The following UXS1 variants were observed in gnomAD, a reference collection of about 807,000 sequenced individuals.
The protein encoded by UXS1 is UDP-glucuronate decarboxylase 1, also known as UDP-glucuronic acid decarboxylase 1.
In UXS1, 33 loss-of-function variants were observed where a neutral mutation model predicts 62.6. The observed-to-expected ratio is 0.53, with a 90% confidence interval of 0.40 to 0.70. UXS1 has a LOEUF of 0.70. Ranked by LOEUF, UXS1 falls within the 30% of genes least tolerant of loss-of-function variation. UXS1 has a pLI of 0.00. For missense variants in UXS1, 434 were observed against 556.3 expected, an observed-to-expected ratio of 0.78 and a Z score of 2.21; for synonymous variants, 213 against 206.8, an observed-to-expected ratio of 1.03 and a Z score of -0.26.
In UXS1 at chr2:106,194,280, G is replaced by A. The variant is rs1319158298; in HGVS notation, c.-39C>T. The A allele has an allele frequency of 3.3e-6, 4 of 1,205,982 alleles. No individual in the cohort carries two copies. The highest frequency in any genetic ancestry group is 4.2e-6 in the Non-Finnish European group (4 of 952,166). 74.7% of individuals were successfully genotyped at this position (1,205,982 alleles called of 1,614,324 possible). ...GCGGGTCCAGGGCCCTACCGCGCGG[G>A]GGCCCGCCTGCTGCACAATGCGCGG... On this transcript the variant is annotated 5_prime_UTR_variant, in exon 1 of 15. Transcript: ENST00000283148.
intron 6 of UXS1, among the ~76,000 whole-genome samples, chr2:106,130,978 A>G (rs1366544589): frequency 2.0e-5 from 3 of 151,972 alleles, no homozygotes; most frequent in Non-Finnish European, 4.4e-5. Context: ...TGATTTCTGC[A>G]TTTCCATCTG....
At chr2:106,105,717 C>A (rs1463413396) in intron 10 of UXS1, among the ~76,000 whole-genome samples, 1 of 152,238 alleles carries the variant, frequency 6.6e-6, no homozygotes, top group Non-Finnish European at 1.5e-5. Context: ...TGCTGAATGA[C>A]CTGCGGAGCG....
chr2:106,137,290 A>G (rs763365930), intron 6 of UXS1, among the ~76,000 whole-genome samples: 40 of 152,250 alleles, frequency 2.6e-4, no homozygotes, highest in Non-Finnish European at 4.7e-4. Flanking sequence ...ACAAAGTCCC[A>G]TAATTCTAAG....
intron 9 of UXS1, among the ~76,000 whole-genome samples, chr2:106,119,046 A>G (rs1361965515): frequency 6.6e-6 from 1 of 152,200 alleles, no homozygotes; most frequent in East Asian, 1.9e-4. Flanking sequence ...CAAAGTTTTA[A>G]ATTTTCTCCC....
At chr2:106,155,050 CTT>C (rs1330657172) in intron 5 of UXS1, among the ~76,000 whole-genome samples, 1 of 152,078 alleles carries the variant, frequency 6.6e-6, no homozygotes, top group Non-Finnish European at 1.5e-5. Flanking sequence ...GTCCCATACT[CTT>C]TTTTAACAAT....
At chr2:106,154,401 C>A (rs912855184) in intron 5 of UXS1, among the ~76,000 whole-genome samples, 1 of 152,200 alleles carries the variant, frequency 6.6e-6, no homozygotes, top group African/African-American at 2.4e-5. Flanking sequence ...AGAGCCCCTA[C>A]AGACATATTT....
chr2:106,127,476 T>C (rs994688048), intron 7 of UXS1, among the ~76,000 whole-genome samples: 3 of 152,224 alleles, frequency 2.0e-5, no homozygotes, highest in Non-Finnish European at 2.9e-5. Context: ...CTAAGACTAT[T>C]TCTGTAGCAC....
intron 1 of UXS1, among the ~76,000 whole-genome samples, chr2:106,189,018 G>A (rs1684755488): frequency 2.0e-5 from 3 of 152,214 alleles, no homozygotes. Context: ...ACAAAAATGA[G>A]GAGACGTCCC....
chr2:106,194,152 G>A lies in UXS1; in HGVS notation c.90C>T (p.Val30=). The part of the protein sequence containing the change: ...LLLGIALLAY[V]ASVWGNFVNM... Reference sequence around the variant, plus strand: ...TGGCAGCGGGCGCGCACTCACAGGCGACGTAGGCCAGCAAGGCGATGCCCA... The same window carrying A: ...TGGCAGCGGGCGCGCACTCACAGGCAACGTAGGCCAGCAAGGCGATGCCCA... The change falls in exon 1 of 15, where the codon GTC becomes GTT. Residue 30 remains valine, a synonymous_variant. Transcript: ENST00000283148. 6.8e-7 allele frequency: 1 copy of A among 1,480,294 alleles called. No individual in the cohort carries two copies. The highest frequency in any genetic ancestry group is 9.0e-7 in the Non-Finnish European group (1 of 1,114,010). The allele number at this position is 1,480,294 out of a possible 1,614,324, so 91.7% of individuals were successfully genotyped here.
chr2:106,125,455 G>T (rs996062545), intron 8 of UXS1, among the ~76,000 whole-genome samples, 165 bp downstream of exon 8: 7 of 152,226 alleles, frequency 4.6e-5, no homozygotes, highest in Admixed American at 3.3e-4. Context: ...GTCCCACAAG[G>T]AAGAGGAGCT....
intron 1 of UXS1, among the ~76,000 whole-genome samples, chr2:106,169,848 T>C (rs1239363105): frequency 6.6e-6 from 1 of 152,006 alleles, no homozygotes; most frequent in Non-Finnish European, 1.5e-5. Flanking sequence ...TCCTTAATCA[T>C]CTCTTCCTGG....
In UXS1 at chr2:106,110,908, G is replaced by T. The variant is rs41320344; in HGVS notation, c.879+1738C>A. Among the ~76,000 whole-genome samples, 379 of 152,310 alleles carry T rather than the reference G, an allele frequency of 2.5e-3. 3 individuals are homozygous for T. Among genetic ancestry groups the T allele is most frequent in the African/African-American group, 8.5e-3 (354 of 41,566 alleles). ...CATAATGCAGAGAAGCATCAAGAAGGTTCCCTTAAGGAGAGGATGAATGAA... is the reference window on the plus strand; with the variant it reads ...CATAATGCAGAGAAGCATCAAGAAGTTTCCCTTAAGGAGAGGATGAATGAA... On this transcript the variant is annotated intron_variant, in intron 10 of 14. Transcript: ENST00000283148.
intron 4 of UXS1, 78 bp from the exon 5 acceptor site, chr2:106,158,196 T>A: frequency 7.7e-7 from 1 of 1,292,904 alleles, no homozygotes; most frequent in South Asian, 1.3e-5. Context: ...CATCAAAGCA[T>A]GTGCCAGGTT....
Position 106,167,470 on chromosome 2 carries a change from T to C in UXS1, c.95-1387A>G, listed in dbSNP as rs985377326. 2.6e-5 allele frequency among the ~76,000 whole-genome samples: 4 copies of C among 152,118 alleles called. No individual in the cohort carries two copies. The East Asian group carries it at 7.7e-4, about 29-fold the overall frequency. On this transcript the variant is annotated intron_variant, in intron 1 of 14. Transcript: ENST00000283148. ...CCCATTGCCATCCTCTTGTGTGTAG[T>C]AGGAGTTTAATAGCTACTCATCAAA...
intron 10 of UXS1, among the ~76,000 whole-genome samples, chr2:106,105,681 T>A (rs1677999359): frequency 6.6e-6 from 1 of 152,108 alleles, no homozygotes; most frequent in Non-Finnish European, 1.5e-5. Context: ...CGATGTGAGG[T>A]GCGATACCAG....
At chr2:106,150,467 GCCCTGTGCTGC>G (rs1681918665) in intron 5 of UXS1, among the ~76,000 whole-genome samples, 1 of 152,232 alleles carries the variant, frequency 6.6e-6, no homozygotes. Flanking sequence ...ACCATTCATT[GCCCTGTGCTGC>G]CACAAGTCTC....
chr2:106,097,427 G>C (rs539990810), intron 13 of UXS1: 162 of 349,972 alleles, frequency 4.6e-4, no homozygotes, highest in African/African-American at 2.6e-3. Flanking sequence ...AAAGCCTGTG[G>C]AGGCTTTCCC....
chr2:106,146,588 G>A (rs151278880), intron 5 of UXS1, among the ~76,000 whole-genome samples: 1 of 151,782 alleles, frequency 6.6e-6, no homozygotes, highest in Non-Finnish European at 1.5e-5. Flanking sequence ...AGACCAGTCG[G>A]GCCAACATGG....
At position 106,121,233 on chromosome 2, in the gene UXS1, G is replaced by A. The variant is rs559261541; in HGVS notation, c.759+1737C>T. 6.6e-5 allele frequency among the ~76,000 whole-genome samples: 10 copies of A among 152,114 alleles called. No individual in the cohort carries two copies. In the East Asian group the frequency reaches 7.7e-4, roughly 12 times the overall value. On this transcript the variant is annotated intron_variant, in intron 9 of 14. Coordinates refer to ENST00000283148, the MANE Select transcript of UXS1 (RefSeq NM_001253875.2). ...CTAGAACAGTACCTAGCATACAGTC[G>A]GTGCTCAAGAAGTGCTGCTTCTATT...
Sources: gnomAD v4.1 joint callset for allele counts (sites outside exome capture counted in the v4.1 genomes callset) on GRCh38, gnomAD v4.1.1 for gene constraint, MANE v1.5 for transcripts, NCBI Gene and HGNC (gene_info 2026-07-23, HGNC 2026-07-21) for gene names.